SPIDR: variants seen among roughly 807,000 people sequenced by gnomAD.
SPIDR encodes scaffold protein involved in DNA repair.
SPIDR carries 93 observed loss-of-function variants against 104.6 expected under a neutral mutation model. That is an observed-to-expected ratio of 0.89 (90% CI 0.75 to 1.06). SPIDR has a LOEUF of 1.06. Ranked by LOEUF, SPIDR falls within the 50% of genes least tolerant of loss-of-function variation. The pLI, the probability that SPIDR is intolerant of heterozygous loss-of-function variation, is 0.00. For synonymous variants in SPIDR, 431 were observed against 416.9 expected, an observed-to-expected ratio of 1.03 and a Z score of -0.41; for missense variants, 1,154 against 1,111.2, an observed-to-expected ratio of 1.04 and a Z score of -0.55.
Position 47,611,881 on chromosome 8 carries a change from C to A in SPIDR, c.1544+12685C>A, listed in dbSNP as rs190541980. 2.3e-3 allele frequency among the ~76,000 whole-genome samples: 357 copies of A among 152,196 alleles called. 1 individual carries two copies. The highest frequency in any genetic ancestry group is 8.4e-3 in the African/African-American group (347 of 41,520). ...AATTACCTGAGAGGAAGGAACTCAT[C>A]ATTTGAATTAAACAAAAAAGGAGAA... On this transcript the variant is annotated intron_variant, in intron 10 of 19. Transcript: ENST00000297423.
intron 10 of SPIDR, among the ~76,000 whole-genome samples, chr8:47,664,980 G>A (rs574051071): frequency 1.3e-5 from 2 of 152,142 alleles, no homozygotes; most frequent in South Asian, 4.1e-4. Context: ...AAAAATGTTG[G>A]ACATGATTAA....
At position 47,279,898 on chromosome 8, in the gene SPIDR, C is replaced by G; in HGVS notation, c.70C>G (p.Pro24Ala). 3 of 1,613,734 alleles carry G rather than the reference C, an allele frequency of 1.9e-6. No homozygotes were observed. Among genetic ancestry groups the G allele is most frequent in the Non-Finnish European group, 2.5e-6 (3 of 1,179,800 alleles). ...RSWNTECPSF[P>A]GERPLQVRRA... Reference sequence around the variant, plus strand: ...TTGGAATACAGAATGCCCATCCTTTCCAGGAGAAAGACCACTGCAGGTCAG... The same window carrying G: ...TTGGAATACAGAATGCCCATCCTTTGCAGGAGAAAGACCACTGCAGGTCAG... The change falls in exon 2 of 20, where the codon CCA (proline) becomes GCA (alanine). Residue 24 changes from proline (P) to alanine (A), a missense_variant. Coordinates refer to ENST00000297423, the MANE Select transcript of SPIDR (RefSeq NM_001080394.4).
At chr8:47,349,718 A>G (rs988719526) in intron 5 of SPIDR, among the ~76,000 whole-genome samples, 5 of 152,164 alleles carry the variant, frequency 3.3e-5, no homozygotes, top group African/African-American at 9.7e-5. Context: ...TCGCAGTTCT[A>G]TCTCGGACTG....
At chr8:47,264,599 C>T (rs1182038874) in intron 1 of SPIDR, among the ~76,000 whole-genome samples, 1 of 151,890 alleles carries the variant, frequency 6.6e-6, no homozygotes. Flanking sequence ...ACATATACTC[C>T]TGTTCTTGGG....
chr8:47,724,158 A>C (rs1363710442), intron 16 of SPIDR, among the ~76,000 whole-genome samples: 1 of 152,094 alleles, frequency 6.6e-6, no homozygotes, highest in Non-Finnish European at 1.5e-5. Context: ...CCTGTTCTAC[A>C]GCTGCCCTGC....
At chr8:47,502,114 T>C (rs1329399828) in intron 8 of SPIDR, among the ~76,000 whole-genome samples, 1 of 152,198 alleles carries the variant, frequency 6.6e-6, no homozygotes, top group Non-Finnish European at 1.5e-5. Context: ...TTTTTTGTTG[T>C]GTCTCTGCCA....
intron 10 of SPIDR, among the ~76,000 whole-genome samples, chr8:47,604,177 T>C (rs1397170814): frequency 1.3e-5 from 2 of 152,244 alleles, no homozygotes; most frequent in African/African-American, 2.4e-5. Flanking sequence ...TAATTTAGTT[T>C]AGAGGGTTCA....
intron 1 of SPIDR, among the ~76,000 whole-genome samples, chr8:47,266,224 C>G (rs1586038474): frequency 2.0e-5 from 3 of 151,708 alleles, no homozygotes; most frequent in Admixed American, 2.0e-4. Flanking sequence ...TCCGCCTCCC[C>G]AGTTCAAACA....
At chr8:47,304,312 C>G (rs1554580244) in intron 5 of SPIDR, among the ~76,000 whole-genome samples, 82 of 152,004 alleles carry the variant, frequency 5.4e-4, no homozygotes, top group Non-Finnish European at 8.8e-4. Flanking sequence ...TGGTTTAGCA[C>G]CAAAACCCTT....
chr8:47,449,322 T>C (rs368008325), intron 8 of SPIDR, among the ~76,000 whole-genome samples: 1 of 152,268 alleles, frequency 6.6e-6, no homozygotes, highest in East Asian at 1.9e-4. Flanking sequence ...AGTTTTTTGG[T>C]GTCAGCAGTA....
chr8:47,684,956 C>G lies in SPIDR; in HGVS notation c.1685+11015C>G, dbSNP rs147340980. Among the ~76,000 whole-genome samples, 45 of 152,340 alleles carry G rather than the reference C, an allele frequency of 3.0e-4. 2 individuals carry two copies. In the East Asian group the frequency reaches 6.8e-3, roughly 23 times the overall value. On this transcript the variant is annotated intron_variant, in intron 11 of 19. Coordinates refer to ENST00000297423, the MANE Select transcript of SPIDR (RefSeq NM_001080394.4). ...AACCAAATGGGCCGGGCGCCCATTA[C>G]ACCTGTAATCCCAGCACTTTGAGAG...
chr8:47,685,411 C>T (rs1279333726), intron 11 of SPIDR, among the ~76,000 whole-genome samples: 1 of 151,826 alleles, frequency 6.6e-6, no homozygotes, highest in African/African-American at 2.4e-5. Flanking sequence ...ATATTTCCCC[C>T]ACCCTACCCT....
chr8:47,451,053 A>G (rs2071626296), intron 8 of SPIDR, among the ~76,000 whole-genome samples: 1 of 152,348 alleles, frequency 6.6e-6, no homozygotes, highest in Middle Eastern at 3.4e-3. Context: ...CAGGAAAAAC[A>G]TAATTTTACA....
intron 5 of SPIDR, among the ~76,000 whole-genome samples, chr8:47,341,245 T>C (rs925042982): frequency 6.6e-6 from 1 of 152,222 alleles, no homozygotes; most frequent in Admixed American, 6.5e-5. Context: ...TCCTGACATA[T>C]TTGTCTATGC....
intron 8 of SPIDR, among the ~76,000 whole-genome samples, chr8:47,542,519 T>C (rs2088412178): frequency 6.6e-6 from 1 of 152,166 alleles, no homozygotes; most frequent in South Asian, 2.1e-4. Flanking sequence ...CTAAGGATTT[T>C]TTTTAAAAAA....
chr8:47,297,419 A>T (rs1554573505), intron 5 of SPIDR, among the ~76,000 whole-genome samples: 1 of 152,134 alleles, frequency 6.6e-6, no homozygotes, highest in Non-Finnish European at 1.5e-5. Context: ...TTTATCATGA[A>T]ATAATTTTGA....
intron 8 of SPIDR, among the ~76,000 whole-genome samples, chr8:47,505,993 T>G (rs1201727463): frequency 6.6e-6 from 1 of 152,266 alleles, no homozygotes; most frequent in African/African-American, 2.4e-5. Context: ...GACTCATCAT[T>G]TTCTGAATCT....
intron 8 of SPIDR, among the ~76,000 whole-genome samples, chr8:47,529,470 C>T (rs1179159653): frequency 6.6e-6 from 1 of 151,638 alleles, no homozygotes; most frequent in African/African-American, 2.4e-5. Context: ...AAAAAATTCA[C>T]CAAGTTAGAA....
At chr8:47,460,252 A>C (rs1335832269) in intron 8 of SPIDR, among the ~76,000 whole-genome samples, 1 of 151,974 alleles carries the variant, frequency 6.6e-6, no homozygotes. Flanking sequence ...CTCCACTATT[A>C]TTTTTGTTGC....
Sources: gnomAD v4.1 joint callset for allele counts (sites outside exome capture counted in the v4.1 genomes callset) on GRCh38, gnomAD v4.1.1 for gene constraint, MANE v1.5 for transcripts, NCBI Gene and HGNC (gene_info 2026-07-23, HGNC 2026-07-21) for gene names.